The following ASCC3 variants were observed in gnomAD, a reference collection of about 807,000 sequenced individuals.
The protein encoded by ASCC3 is activating signal cointegrator 1 complex subunit 3.
In ASCC3, 158 loss-of-function variants were observed where a neutral mutation model predicts 256.3. The ratio of observed to expected loss-of-function variants is 0.62; its 90% CI spans 0.54 to 0.70. ASCC3 has a LOEUF of 0.70. ASCC3 is among the 30% of genes least tolerant of loss of function. The pLI, the probability that ASCC3 is intolerant of heterozygous loss-of-function variation, is 0.00. For missense variants in ASCC3, 2,259 were observed against 2,626.0 expected (o/e 0.86, Z 3.05); for synonymous variants, 948 against 883.4 (o/e 1.07, Z -1.30).
At chr6:100,765,431 T>C (rs756500755) in intron 10 of ASCC3, among the ~76,000 whole-genome samples, 13 of 152,194 alleles carry the variant, frequency 8.5e-5, no homozygotes, top group Non-Finnish European at 1.3e-4. Flanking sequence ...CTATTCTCAC[T>C]GAATAGATCA....
chr6:100,863,808 A>G (rs1260434030), intron 3 of ASCC3, among the ~76,000 whole-genome samples: 3 of 152,028 alleles, frequency 2.0e-5, no homozygotes, highest in Non-Finnish European at 4.4e-5. Context: ...TTTTTAGTAG[A>G]GACAGGGTTT....
At chr6:100,735,510 T>C (rs1244068821) in intron 10 of ASCC3, among the ~76,000 whole-genome samples, 1 of 152,078 alleles carries the variant, frequency 6.6e-6, no homozygotes, top group African/African-American at 2.4e-5. Context: ...GTCCATTCAG[T>C]AAAATTTCTA....
chr6:100,643,369 T>C (rs2114895041), intron 23 of ASCC3, among the ~76,000 whole-genome samples: 1 of 152,306 alleles, frequency 6.6e-6, no homozygotes, highest in African/African-American at 2.4e-5. Context: ...AATCCAATAG[T>C]ATTCAGTATT....
intron 36 of ASCC3, among the ~76,000 whole-genome samples, chr6:100,546,747 T>C (rs774316830): frequency 7.2e-5 from 11 of 152,154 alleles, no homozygotes; most frequent in Non-Finnish European, 1.0e-4. Context: ...CTGAAACATT[T>C]TGATTTGCAT....
At chr6:100,533,919 G>T (rs1775036021) in intron 37 of ASCC3, among the ~76,000 whole-genome samples, 1 of 152,170 alleles carries the variant, frequency 6.6e-6, no homozygotes, top group Non-Finnish European at 1.5e-5. Flanking sequence ...AGCACAAATT[G>T]CCTCAACAAA....
intron 8 of ASCC3, among the ~76,000 whole-genome samples, chr6:100,778,703 C>T (rs377571413): frequency 6.6e-6 from 1 of 152,010 alleles, no homozygotes; most frequent in African/African-American, 2.4e-5. Flanking sequence ...TGAAAGGCTA[C>T]GTGACATACA....
At position 100,848,543 on chromosome 6, in the gene ASCC3, G is replaced by A. The variant is rs377618341; in HGVS notation, c.406C>T (p.Arg136Ter). The A allele has an allele frequency of 1.4e-5, 22 of 1,613,906 alleles. No individual in the cohort carries two copies. Among genetic ancestry groups the A allele is most frequent in the Non-Finnish European group, 1.7e-5 (20 of 1,180,012 alleles). Residue 136 changes from arginine to a stop codon, truncating the protein, a stop_gained, in exon 4 of 42, where the codon CGA becomes TGA. Transcript: ENST00000369162. LOFTEE classifies it high-confidence loss of function. ...SATAACNATN[R>*]IISHFSQDDL... Reference sequence around the variant, plus strand: ...TCTTGACTAAAATGAGAAATAATTCGATTAGTAGCATTACAAGCTGCAGTG... The same window carrying A: ...TCTTGACTAAAATGAGAAATAATTCAATTAGTAGCATTACAAGCTGCAGTG...
intron 30 of ASCC3, among the ~76,000 whole-genome samples, chr6:100,608,160 T>TATGTATATATATCTATATATACATATA (rs1582549578): frequency 6.5e-5 from 1 of 15,366 alleles, no homozygotes; most frequent in Non-Finnish European, 1.5e-4. Flanking sequence ...ATATACATAT[T>TATGTATATATATCTATATATACATATA]TATATACATA....
At chr6:100,712,341 C>A (rs74558928) in intron 13 of ASCC3, among the ~76,000 whole-genome samples, 2,347 of 152,134 alleles carry the variant, frequency 0.015, 24 homozygotes, top group East Asian at 0.045. Flanking sequence ...AAGTAACAGA[C>A]TGGAAGAAAA....
chr6:100,545,524 C>T lies in ASCC3; in HGVS notation c.5551-5137G>A, dbSNP rs543938908. 3.3e-5 allele frequency among the ~76,000 whole-genome samples: 5 copies of T among 152,262 alleles called. No homozygotes were observed. In the East Asian group the frequency reaches 9.7e-4, roughly 29 times the overall value. ...ATGGCTAACATTTAATAGTGACAGACTGAATGTTTCTCCCCTAAGATCTGG... is the reference window on the plus strand; with the variant it reads ...ATGGCTAACATTTAATAGTGACAGATTGAATGTTTCTCCCCTAAGATCTGG... On this transcript the variant is annotated intron_variant, in intron 36 of 41. Coordinates refer to ENST00000369162, the MANE Select transcript of ASCC3 (RefSeq NM_006828.4).
chr6:100,628,995 TTA>T lies in ASCC3; in HGVS notation c.4375+18_4375+19del. The T allele has an allele frequency of 1.9e-6, 3 of 1,607,820 alleles. No individual in the cohort carries two copies. Among genetic ancestry groups the T allele is most frequent in the Non-Finnish European group, 2.5e-6 (3 of 1,176,672 alleles). On this transcript the variant is annotated intron_variant, in intron 27 of 41. Transcript: ENST00000369162. ...CAAAGTTAAAGTTTGTAAACTGGCT[TTA>T]GATACAGTGGTACCTACCAAGCAGA... is the stretch of plus-strand genomic sequence containing the variant.
chr6:100,695,939 T>C lies in ASCC3; in HGVS notation c.2152-16187A>G, dbSNP rs543557470. Among the ~76,000 whole-genome samples, 6 of 152,322 alleles carry C rather than the reference T, an allele frequency of 3.9e-5. No homozygotes were observed. The South Asian group carries it at 8.3e-4, about 21-fold the overall frequency. On this transcript the variant is annotated intron_variant, in intron 13 of 41. Transcript: ENST00000369162. ...AGTTAGCCTATGGCAGGCTACCTTT[T>C]AGTATGCAGGTAGGGCAACATCTTA...
chr6:100,533,162 C>T (rs1252115836), intron 37 of ASCC3, among the ~76,000 whole-genome samples: 1 of 151,120 alleles, frequency 6.6e-6, no homozygotes, highest in Middle Eastern at 3.4e-3. Context: ...GTCTGATATT[C>T]GTTTGTGGCC....
intron 13 of ASCC3, among the ~76,000 whole-genome samples, chr6:100,683,176 ATAAC>A (rs747362709): frequency 3.3e-5 from 5 of 152,310 alleles, no homozygotes; most frequent in South Asian, 2.1e-4. Flanking sequence ...GGTATTTTAT[ATAAC>A]TAATAAGCCC....
At chr6:100,548,429 T>A (rs1412203486) in intron 36 of ASCC3, among the ~76,000 whole-genome samples, 15 of 151,902 alleles carry the variant, frequency 9.9e-5, no homozygotes, top group Non-Finnish European at 1.5e-5. Context: ...TAGTATTAAA[T>A]CCTTATGAAA....
intron 31 of ASCC3, 42 bp downstream of exon 31, chr6:100,606,909 A>G (rs1368349143): frequency 1.2e-6 from 2 of 1,608,912 alleles, no homozygotes; most frequent in African/African-American, 2.7e-5. Context: ...TATAACTTTT[A>G]AGTTACATTT....
At chr6:100,769,495 T>C (rs1195103587) in intron 8 of ASCC3, among the ~76,000 whole-genome samples, 1 of 151,278 alleles carries the variant, frequency 6.6e-6, no homozygotes, top group African/African-American at 2.4e-5. Flanking sequence ...TATTTGTCAA[T>C]TACAAATAAA....
At chr6:100,591,994 T>C (rs1399739843) in intron 34 of ASCC3, among the ~76,000 whole-genome samples, 3 of 151,946 alleles carry the variant, frequency 2.0e-5, no homozygotes. Flanking sequence ...TTTACTGTAT[T>C]TACAAGGTAT....
In ASCC3 at chr6:100,607,040, G is replaced by C. The variant is rs1250218716; in HGVS notation, c.4834C>G (p.Leu1612Val). The change falls in exon 31 of 42, where the codon CTT becomes GTT. Residue 1612 changes from leucine (L) to valine (V), a missense_variant. Physicochemically the swap from Leu to Val is conservative, Grantham distance 32 (BLOSUM62 1). Coordinates refer to ENST00000369162, the MANE Select transcript of ASCC3 (RefSeq NM_006828.4). ...TVRDSNLKLT[L>V]AFGIGMHHAG... ...TGATGCATTCCTATCCCGAAAGCAA[G>C]GGTCAGCTTGAGGTTGGAATCTCTT... The C allele has an allele frequency of 6.2e-7, 1 of 1,613,650 alleles. No homozygotes were observed. The highest frequency in any genetic ancestry group is 1.1e-5 in the South Asian group (1 of 91,062).
Sources: allele counts gnomAD v4.1 joint callset (sites outside exome capture counted in the v4.1 genomes callset), GRCh38; gene constraint gnomAD v4.1.1; transcripts MANE v1.5; gene names NCBI Gene and HGNC (gene_info 2026-07-23, HGNC 2026-07-21).